Variants in WWC2 observed in about 807,000 individuals in gnomAD.
The protein encoded by WWC2 is WW and C2 domain containing 2.
A neutral mutation model predicts 138.5 loss-of-function variants in WWC2; 101 were observed. The observed-to-expected ratio is 0.73, with a 90% CI of 0.62 to 0.86. The LOEUF is 0.86. Among genes scored for constraint, WWC2 ranks in the 40% least tolerant of loss-of-function variants. The pLI, the probability that WWC2 is intolerant of heterozygous loss-of-function variation, is 0.00. For missense variants in WWC2, 1,420 were observed against 1,419.4 expected, an observed-to-expected ratio of 1.00 and a Z score of -0.01; for synonymous variants, 558 against 538.4, an observed-to-expected ratio of 1.04 and a Z score of -0.50.
At chr4:183,256,102 T>C (rs1254874971) in intron 9 of WWC2, among the ~76,000 whole-genome samples, 1 of 152,210 alleles carries the variant, frequency 6.6e-6, no homozygotes, top group Non-Finnish European at 1.5e-5. Flanking sequence ...ATTTTATATA[T>C]GTAGTATGTT....
At chr4:183,119,412 C>T (rs758357356) in intron 1 of WWC2, among the ~76,000 whole-genome samples, 17 of 152,112 alleles carry the variant, frequency 1.1e-4, no homozygotes, top group African/African-American at 3.6e-4. Flanking sequence ...CCTGCATCCT[C>T]GCCTCTTCTT....
chr4:183,128,716 T>C (rs551535931), intron 1 of WWC2, among the ~76,000 whole-genome samples: 121 of 152,180 alleles, frequency 8.0e-4, no homozygotes, highest in Non-Finnish European at 1.5e-3. Context: ...GCTTGACATA[T>C]GTGAGAAGCT....
chr4:183,108,464 A>G (rs962568614), intron 1 of WWC2, among the ~76,000 whole-genome samples: 1 of 152,186 alleles, frequency 6.6e-6, no homozygotes, highest in African/African-American at 2.4e-5. Flanking sequence ...ACCAATAAGG[A>G]AAGTCTGAGA....
At chr4:183,188,985 C>T (rs972133493) in intron 1 of WWC2, among the ~76,000 whole-genome samples, 1 of 152,086 alleles carries the variant, frequency 6.6e-6, no homozygotes, top group Non-Finnish European at 1.5e-5. Context: ...AGCTAATTTC[C>T]TCACACACAG....
chr4:183,124,287 A>T (rs1732690976), intron 1 of WWC2, among the ~76,000 whole-genome samples: 1 of 151,518 alleles, frequency 6.6e-6, no homozygotes, highest in Non-Finnish European at 1.5e-5. Flanking sequence ...TAATCCTTTA[A>T]TATTATTTTC....
intron 1 of WWC2, among the ~76,000 whole-genome samples, chr4:183,110,690 T>G (rs1732204086): frequency 1.3e-5 from 2 of 152,172 alleles, no homozygotes; most frequent in Non-Finnish European, 2.9e-5. Context: ...AAATTTAATT[T>G]TAAAGAAGCA....
In WWC2 at chr4:183,172,533, G is replaced by T. The variant is rs138715950; in HGVS notation, c.132-21066G>T. Among the ~76,000 whole-genome samples the T allele has an allele frequency of 3.7e-3, 561 of 150,564 alleles. 3 individuals carry two copies. Among genetic ancestry groups the T allele is most frequent in the African/African-American group, 0.013 (526 of 41,202 alleles). ...GTATATTCCAGTGTTGTGTTTGAGAGGTCTGATGCTTTTATGTTTCTTGTT... is the reference window on the plus strand; with the variant it reads ...GTATATTCCAGTGTTGTGTTTGAGATGTCTGATGCTTTTATGTTTCTTGTT... On this transcript the variant is annotated intron_variant, in intron 1 of 22. Coordinates refer to ENST00000403733, the MANE Select transcript of WWC2 (RefSeq NM_024949.6).
intron 1 of WWC2, among the ~76,000 whole-genome samples, chr4:183,157,823 T>TC (rs1443571273): frequency 2.8e-4 from 8 of 28,310 alleles, no homozygotes; most frequent in Non-Finnish European, 4.2e-4. Flanking sequence ...TTTTTTTTTT[T>TC]TCACTGTCTT....
chr4:183,315,080 C>T (rs1045423191), intron 22 of WWC2, among the ~76,000 whole-genome samples: 1 of 152,198 alleles, frequency 6.6e-6, no homozygotes, highest in Non-Finnish European at 1.5e-5. Flanking sequence ...AATAGACGCA[C>T]TGTTTGTCTT....
chr4:183,164,374 TAC>T (rs1200588314), intron 1 of WWC2, among the ~76,000 whole-genome samples: 2 of 644 alleles, frequency 3.1e-3, no homozygotes, highest in African/African-American at 9.7e-3. Flanking sequence ...ATATTATATA[TAC>T]ATATATATAT....
At chr4:183,148,356 G>T (rs991450963) in intron 1 of WWC2, among the ~76,000 whole-genome samples, 3 of 152,266 alleles carry the variant, frequency 2.0e-5, no homozygotes, top group Admixed American at 2.0e-4. Context: ...TAAATTAGAT[G>T]TGAATCTTAG....
rs768174885 is a variant in WWC2, at chr4:183,319,972, A to G, written c.*4243A>G. On this transcript the variant is annotated 3_prime_UTR_variant, in exon 23 of 23. Coordinates refer to ENST00000403733, the MANE Select transcript of WWC2 (RefSeq NM_024949.6). ...CCCAGCCCATTTGACAGAAACATTA[A>G]GATCCTGGAGACCCTGAGTTCAGCA... 1.9e-6 allele frequency: 3 copies of G among 1,613,654 alleles called. No individual in the cohort carries two copies. The East Asian group carries it at 6.7e-5, about 36-fold the overall frequency.
At chr4:183,232,145 G>A (rs777853406) in intron 4 of WWC2, among the ~76,000 whole-genome samples, 2 of 152,080 alleles carry the variant, frequency 1.3e-5, no homozygotes, top group Non-Finnish European at 2.9e-5. Flanking sequence ...TGTGTTTAAT[G>A]TTTGCTAATT....
intron 22 of WWC2, among the ~76,000 whole-genome samples, chr4:183,313,785 G>A (rs112247611): frequency 0.057 from 8,662 of 150,832 alleles, 364 homozygotes; most frequent in Non-Finnish European, 0.085. Context: ...GGAGAACCAG[G>A]AGCCTGGGGC....
At chr4:183,113,458 T>A (rs977916244) in intron 1 of WWC2, among the ~76,000 whole-genome samples, 1 of 151,424 alleles carries the variant, frequency 6.6e-6, no homozygotes, top group African/African-American at 2.4e-5. Context: ...GAGTTTTCAA[T>A]TGAACTGAGG....
chr4:183,288,737 G>C (rs1254483244), intron 20 of WWC2, among the ~76,000 whole-genome samples: 1 of 152,196 alleles, frequency 6.6e-6, no homozygotes, highest in Non-Finnish European at 1.5e-5. Context: ...CCTGGGAAGA[G>C]CCATGGTGAT....
chr4:183,221,459 A>C (rs188375051), intron 4 of WWC2, among the ~76,000 whole-genome samples: 170 of 152,368 alleles, frequency 1.1e-3, no homozygotes, highest in Middle Eastern at 3.4e-3. Flanking sequence ...ATTTAAAAAC[A>C]GCAGAAGTGC....
chr4:183,267,884 G>A (rs938276610), intron 14 of WWC2, among the ~76,000 whole-genome samples: 6 of 152,178 alleles, frequency 3.9e-5, no homozygotes, highest in Non-Finnish European at 5.9e-5. Flanking sequence ...CAGCTAGTAT[G>A]AAATATTCTT....
At chr4:183,192,261 A>G (rs1735011160) in intron 1 of WWC2, among the ~76,000 whole-genome samples, 1 of 152,220 alleles carries the variant, frequency 6.6e-6, no homozygotes, top group Non-Finnish European at 1.5e-5. Flanking sequence ...AGCTAGTTAA[A>G]TTGCAGGGAG....
Sources: allele counts gnomAD v4.1 joint callset (sites outside exome capture counted in the v4.1 genomes callset), GRCh38; gene constraint gnomAD v4.1.1; transcripts MANE v1.5; gene names NCBI Gene and HGNC (gene_info 2026-07-23, HGNC 2026-07-21).